The following FRAS1 variants were observed in gnomAD, a reference collection of about 807,000 sequenced individuals.
FRAS1 encodes Fraser extracellular matrix complex subunit 1.
In FRAS1, 290 loss-of-function variants were observed where a neutral mutation model predicts 435.2. The observed-to-expected ratio is 0.67, with a 90% CI of 0.61 to 0.73. The LOEUF is 0.73. Among genes scored for constraint, FRAS1 ranks in the 30% least tolerant of loss-of-function variants. FRAS1 has a pLI of 0.00. For synonymous variants in FRAS1, 1,800 were observed against 1,851.0 expected (o/e 0.97, Z 0.71); for missense variants, 4,860 against 5,001.5 (o/e 0.97, Z 0.85).
chr4:78,511,645 T>A, intron 64 of FRAS1, 139 bp downstream of exon 64: 1 of 753,098 alleles, frequency 1.3e-6, no homozygotes, highest in Non-Finnish European at 2.3e-6. Context: ...AAAGTTTAAA[T>A]CTGTGAAGGT....
chr4:78,370,089 T>A, intron 23 of FRAS1, 105 bp downstream of exon 23: 4 of 1,079,304 alleles, frequency 3.7e-6, no homozygotes, highest in Non-Finnish European at 5.4e-6. Context: ...ATCATATATT[T>A]TGACTGTCTC....
At chr4:78,485,188 TTG>T (rs1312456035) in intron 58 of FRAS1, among the ~76,000 whole-genome samples, 1 of 152,194 alleles carries the variant, frequency 6.6e-6, no homozygotes, top group African/African-American at 2.4e-5. Flanking sequence ...TACAAGATTG[TTG>T]TGAGGATTAA....
chr4:78,114,623 T>C (rs1453421860), intron 2 of FRAS1, among the ~76,000 whole-genome samples: 1 of 151,214 alleles, frequency 6.6e-6, no homozygotes, highest in Non-Finnish European at 1.5e-5. Flanking sequence ...GATTTGGCTC[T>C]CTGTTTGTCT....
intron 62 of FRAS1, among the ~76,000 whole-genome samples, 196 bp from the exon 63 acceptor site, chr4:78,508,535 G>A (rs1051975854): frequency 6.6e-6 from 1 of 152,172 alleles, no homozygotes; most frequent in Non-Finnish European, 1.5e-5. Context: ...CCAACCAGTA[G>A]AAGAATCTTC....
intron 20 of FRAS1, among the ~76,000 whole-genome samples, chr4:78,362,909 T>C (rs1245196213): frequency 1.3e-5 from 2 of 152,104 alleles, no homozygotes; most frequent in Non-Finnish European, 2.9e-5. Flanking sequence ...ATAGGTAGTT[T>C]TGGAAAAAGC....
chr4:78,245,695 T>A (rs1259233561), intron 4 of FRAS1, among the ~76,000 whole-genome samples: 1 of 152,122 alleles, frequency 6.6e-6, no homozygotes, highest in Admixed American at 6.6e-5. Context: ...TACGAAAAAA[T>A]TTAATTGCAA....
At chr4:78,189,157 C>A (rs1378710630) in intron 2 of FRAS1, among the ~76,000 whole-genome samples, 2 of 152,206 alleles carry the variant, frequency 1.3e-5, no homozygotes, top group African/African-American at 4.8e-5. Flanking sequence ...AGCTTTGCCT[C>A]TCCTGACTTA....
intron 30 of FRAS1, among the ~76,000 whole-genome samples, chr4:78,407,355 T>C (rs1437211206): frequency 6.6e-6 from 1 of 152,224 alleles, no homozygotes; most frequent in African/African-American, 2.4e-5. Context: ...TATTTGTCTA[T>C]AGTATTTGCT....
chr4:78,249,064 C>CATATATATATATATGCATATAT (rs1553934032), intron 4 of FRAS1, among the ~76,000 whole-genome samples: 5 of 16,638 alleles, frequency 3.0e-4, no homozygotes, highest in East Asian at 1.6e-3. Flanking sequence ...TATATATATG[C>CATATATATATATATGCATATAT]ATATATATAT....
chr4:78,467,648 A>T (rs1252734232), intron 50 of FRAS1, among the ~76,000 whole-genome samples: 1 of 152,132 alleles, frequency 6.6e-6, no homozygotes, highest in Non-Finnish European at 1.5e-5. Context: ...GGAACCTCCA[A>T]ACTGTTCTCT....
chr4:78,181,742 TTAAGC>T, intron 2 of FRAS1: 1 of 1,610,182 alleles, frequency 6.2e-7, no homozygotes, highest in Non-Finnish European at 8.5e-7. Context: ...TCCTTCTTTC[TTAAGC>T]GCCACGGGCG....
chr4:78,539,489 G>GA, intron 73 of FRAS1, 49 bp downstream of exon 73: 2 of 1,260,984 alleles, frequency 1.6e-6, no homozygotes, highest in Non-Finnish European at 1.1e-6. Context: ...CTACTTTAAA[G>GA]CTTGAAAAAA....
intron 23 of FRAS1, among the ~76,000 whole-genome samples, chr4:78,371,956 C>T (rs1435033673): frequency 6.6e-6 from 1 of 152,214 alleles, no homozygotes; most frequent in African/African-American, 2.4e-5. Flanking sequence ...AACAACCCCC[C>T]TGGATTATTT....
chr4:78,374,770 A>G (rs1305379909), intron 25 of FRAS1, among the ~76,000 whole-genome samples: 2 of 152,166 alleles, frequency 1.3e-5, no homozygotes, highest in Non-Finnish European at 2.9e-5. Context: ...TGTTCTCATC[A>G]TATCTATCAA....
chr4:78,357,334 G>A (rs1382221170), intron 20 of FRAS1, among the ~76,000 whole-genome samples: 1 of 152,166 alleles, frequency 6.6e-6, no homozygotes, highest in African/African-American at 2.4e-5. Flanking sequence ...TTTTCAGGTT[G>A]CTCAGCACAC....
chr4:78,247,871 A>C (rs1244124230), intron 4 of FRAS1, among the ~76,000 whole-genome samples: 1 of 152,128 alleles, frequency 6.6e-6, no homozygotes, highest in Non-Finnish European at 1.5e-5. Flanking sequence ...GCTTTCCCCT[A>C]AGACAGATTG....
At chr4:78,450,482 C>CT (rs1161527877) in intron 45 of FRAS1, 143 bp downstream of exon 45, 73 of 624,366 alleles carry the variant, frequency 1.2e-4, no homozygotes, top group Admixed American at 2.7e-4. Context: ...TCCTTGTTTT[C>CT]TTATTTTTTT....
At chr4:78,317,978 A>G (rs924674970) in intron 17 of FRAS1, among the ~76,000 whole-genome samples, 3 of 152,220 alleles carry the variant, frequency 2.0e-5, no homozygotes, top group African/African-American at 7.2e-5. Flanking sequence ...TGGGAGGGCA[A>G]TATCATTTAA....
chr4:78,515,114 GT>G (rs1334040180), intron 65 of FRAS1, among the ~76,000 whole-genome samples: 1 of 151,256 alleles, frequency 6.6e-6, no homozygotes, highest in Admixed American at 6.6e-5. Context: ...TTGTGTCTGT[GT>G]TCAGCTCCCT....
Sources: gnomAD v4.1 joint callset for allele counts (sites outside exome capture counted in the v4.1 genomes callset) on GRCh38, gnomAD v4.1.1 for gene constraint, MANE v1.5 for transcripts, NCBI Gene and HGNC (gene_info 2026-07-23, HGNC 2026-07-21) for gene names.